Variants in AHNAK observed in about 807,000 individuals in gnomAD.
AHNAK encodes the protein neuroblast differentiation-associated protein AHNAK.
In AHNAK, 23 loss-of-function variants were observed where a neutral mutation model predicts 37.8. The ratio of observed to expected loss-of-function variants is 0.61; its 90% CI spans 0.44 to 0.86. The LOEUF (loss-of-function observed/expected upper bound fraction) is 0.86. AHNAK is among the 40% of genes least tolerant of loss of function. The pLI, the probability that AHNAK is intolerant of heterozygous loss-of-function variation, is 0.00. For missense variants in AHNAK, 7,411 were observed against 7,319.4 expected (o/e 1.01, Z -0.46); for synonymous variants, 2,481 against 2,636.3 (o/e 0.94, Z 1.80).
chr11:62,542,636 C>G (rs1941165807), intron 1 of AHNAK, among the ~76,000 whole-genome samples: 1 of 152,202 alleles, frequency 6.6e-6, no homozygotes, highest in South Asian at 2.1e-4. Flanking sequence ...TCACTTCCAG[C>G]AGCGAGGGAG....
Position 62,522,009 on chromosome 11 carries a change from C to G in AHNAK, c.12408G>C (p.Leu4136=). ...CCTTCATCTTTGGACCTTTCAGATTCAGGTCAACTTCAGGCATAGAGATCT... is the reference window on the plus strand; with the variant it reads ...CCTTCATCTTTGGACCTTTCAGATTGAGGTCAACTTCAGGCATAGAGATCT... The part of the protein sequence containing the change: ...APKISMPEVD[L]NLKGPKMKGD... The change falls in exon 5 of 5, where the codon CTG becomes CTC. Residue 4136 remains leucine (L), a synonymous_variant. Coordinates refer to ENST00000378024, the MANE Select transcript of AHNAK (RefSeq NM_001620.3). 1 of 1,613,936 alleles carries G rather than the reference C, an allele frequency of 6.2e-7. No homozygotes were observed. Among genetic ancestry groups the G allele is most frequent in the South Asian group, 1.1e-5 (1 of 91,064 alleles).
At chr11:62,511,862 T>C (rs1939919757), downstream of AHNAK, among the ~76,000 whole-genome samples, 2 of 152,120 alleles carry the variant, frequency 1.3e-5, no homozygotes, top group South Asian at 4.2e-4. Flanking sequence ...GTTTGTTTCT[T>C]TTCTGAGATG....
At chr11:62,506,618 T>C (rs868803749) in intron 4 of AHNAK, among the ~76,000 whole-genome samples, 7 of 152,318 alleles carry the variant, frequency 4.6e-5, no homozygotes, top group South Asian at 4.1e-4. Flanking sequence ...TGCATTTTCC[T>C]AGCTGCAGGG....
At chr11:62,496,048 C>CAAAA (rs774256386) in intron 4 of AHNAK, among the ~76,000 whole-genome samples, 1 of 109,148 alleles carries the variant, frequency 9.2e-6, no homozygotes. Flanking sequence ...GATCCTGTCT[C>CAAAA]AAAAAAAAAA....
rs1426407999 is a variant in AHNAK, at chr11:62,527,872, G to A, written c.6545C>T (p.Pro2182Leu). 16 of 1,613,546 alleles carry A rather than the reference G, an allele frequency of 9.9e-6. No homozygotes were observed. Among genetic ancestry groups the A allele is most frequent in the Non-Finnish European group, 1.4e-5 (16 of 1,179,930 alleles). The change falls in exon 5 of 5, where the codon CCC (proline) becomes CTC (leucine). Residue 2182 changes from proline (P) to leucine (L), a missense_variant. Pro to Leu is a moderately conservative substitution (Grantham distance 98). Transcript: ENST00000378024. ...GTTCACATCAGGCATGGAGATCTTG[G>A]GGGTCTTGAAGTGCATCTCAGGCAT... ...FKMPEMHFKT[P>L]KISMPDVNLN...
intron 5 of AHNAK, among the ~76,000 whole-genome samples, chr11:62,466,498 C>A (rs1396708543): frequency 7.2e-6 from 1 of 139,308 alleles, no homozygotes; most frequent in Non-Finnish European, 1.5e-5. Context: ...TTTTACCAGA[C>A]TCTCTTCTCA....
chr11:62,541,055 T>C (rs1941108826), intron 1 of AHNAK, among the ~76,000 whole-genome samples: 1 of 152,076 alleles, frequency 6.6e-6, no homozygotes, highest in Non-Finnish European at 1.5e-5. Flanking sequence ...GGAGCCAGTA[T>C]AAAGACAGCC....
chr11:62,454,460 C>G (rs1938613393), intron 5 of AHNAK, among the ~76,000 whole-genome samples: 1 of 151,738 alleles, frequency 6.6e-6, no homozygotes, highest in Non-Finnish European at 1.5e-5. Context: ...AGAATCCCTC[C>G]CATCTTCAAG....
Position 62,516,306 on chromosome 11 carries a change from T to G in AHNAK, c.*438A>C. On this transcript the variant is annotated 3_prime_UTR_variant, in exon 5 of 5. Transcript: ENST00000378024. ...TCCAGTCTCAGGAAAGAGGAAGACCTGACCTCCGTCTGCAACCCATCACCC... is the reference window on the plus strand; with the variant it reads ...TCCAGTCTCAGGAAAGAGGAAGACCGGACCTCCGTCTGCAACCCATCACCC... The G allele has an allele frequency of 7.8e-7, 1 of 1,289,440 alleles. No homozygotes were observed. The highest frequency in any genetic ancestry group is 1.0e-6 in the Non-Finnish European group (1 of 988,900). 79.9% of individuals were successfully genotyped at this position (1,289,440 alleles called of 1,614,324 possible).
At chr11:62,512,337 T>C (rs560714875), downstream of AHNAK, among the ~76,000 whole-genome samples, 2 of 152,308 alleles carry the variant, frequency 1.3e-5, no homozygotes, top group East Asian at 1.9e-4. The surrounding 1 kb of genome is among the most constrained non-coding windows in gnomAD (Gnocchi z 4.0). Context: ...TGGTCCTCTA[T>C]GGCTATAGTC....
intron 5 of AHNAK, among the ~76,000 whole-genome samples, chr11:62,435,116 T>C (rs2134767140): frequency 6.6e-6 from 1 of 152,232 alleles, no homozygotes. Context: ...TCCCCCTAAT[T>C]GAGAATGACC....
Position 62,520,025 on chromosome 11 carries a change from G to A in AHNAK, c.14392C>T (p.Pro4798Ser), listed in dbSNP as rs148186265. The change falls in exon 5 of 5, where the codon CCA (proline) becomes TCA (serine). Residue 4798 changes from proline to serine, a missense_variant. Coordinates refer to ENST00000378024, the MANE Select transcript of AHNAK (RefSeq NM_001620.3). ...FSMPGFKGEG[P>S]DVDVSLPKAD... ...TTGGGCAGGCTCACATCCACATCTG[G>A]ACCTTCTCCTTTGAAGCCAGGCATG... The A allele has an allele frequency of 2.7e-4, 442 of 1,613,588 alleles. No individual in the cohort carries two copies. The highest frequency in any genetic ancestry group is 3.1e-4 in the Non-Finnish European group (369 of 1,179,954).
intron 1 of AHNAK, among the ~76,000 whole-genome samples, chr11:62,542,235 C>T (rs563518641): frequency 2.6e-5 from 4 of 152,204 alleles, no homozygotes; most frequent in East Asian, 1.9e-4. Flanking sequence ...CAGCCTTCAC[C>T]GGCTCACAAT....
At chr11:62,513,030 C>T (rs895452798), downstream of AHNAK, among the ~76,000 whole-genome samples, 1 of 152,264 alleles carries the variant, frequency 6.6e-6, no homozygotes, top group African/African-American at 2.4e-5. Context: ...TTCCCAGATG[C>T]CCCCTTAACT....
rs1206134408 is a variant in AHNAK, at chr11:62,524,995, A to G, written c.9422T>C (p.Val3141Ala). 1.3e-5 allele frequency: 21 copies of G among 1,613,536 alleles called. No homozygotes were observed. The highest frequency in any genetic ancestry group is 1.5e-5 in the Non-Finnish European group (18 of 1,179,926). ...KVDINAPDVDVQGPDWHLKMP... is the reference protein window; with the variant it reads ...KVDINAPDVDAQGPDWHLKMP... The stretch of plus-strand genomic sequence containing the variant: ...CTTCAGGTGCCAGTCTGGGCCTTGA[A>G]CATCCACATCTGGGGCATTAATATC... Residue 3141 changes from valine to alanine, a missense_variant, in exon 5 of 5, where the codon GTT becomes GCT. Val to Ala is a moderately conservative substitution (Grantham distance 64). Transcript: ENST00000378024.
intron 5 of AHNAK, among the ~76,000 whole-genome samples, chr11:62,482,209 G>A (rs1939290355): frequency 6.6e-6 from 1 of 152,174 alleles, no homozygotes; most frequent in South Asian, 2.1e-4. Context: ...GAGGCCCGGA[G>A]TTCGAGACCA....
Position 62,516,706 on chromosome 11 carries a change from G to GTT in AHNAK, c.*36_*37dup, listed in dbSNP as rs760585595. ...ACACACCACCCAAGGCTGATGTTTT[G>GTT]TTATATATATATATATGTACACACA... On this transcript the variant is annotated 3_prime_UTR_variant, in exon 5 of 5. Coordinates refer to ENST00000378024, the MANE Select transcript of AHNAK (RefSeq NM_001620.3). The GTT allele has an allele frequency of 1.4e-5, 22 of 1,538,284 alleles. No homozygotes were observed. The highest frequency in any genetic ancestry group is 1.4e-4 in the East Asian group (6 of 44,302).
At chr11:62,443,112 C>T (rs1938346722) in intron 5 of AHNAK, among the ~76,000 whole-genome samples, 1 of 151,100 alleles carries the variant, frequency 6.6e-6, no homozygotes, top group African/African-American at 2.4e-5. Flanking sequence ...GCTGGGACTA[C>T]AGGCACATGC....
At chr11:62,479,368 C>A (rs766326837) in intron 5 of AHNAK, among the ~76,000 whole-genome samples, 1 of 151,602 alleles carries the variant, frequency 6.6e-6, no homozygotes, top group Non-Finnish European at 1.5e-5. Context: ...GGTTTCTCCA[C>A]GTTGGTCAGG....
Sources: allele counts gnomAD v4.1 joint callset (sites outside exome capture counted in the v4.1 genomes callset), GRCh38; gene constraint gnomAD v4.1.1; non-coding constraint Gnocchi (gnomAD v3.1); transcripts MANE v1.5; gene names NCBI Gene and HGNC (gene_info 2026-07-23, HGNC 2026-07-21).